Variants in ECEL1 observed in about 807,000 individuals in gnomAD.
The protein encoded by ECEL1 is endothelin converting enzyme like 1.
In ECEL1, 87 loss-of-function variants were observed where a neutral mutation model predicts 101.8. That is an observed-to-expected ratio of 0.85 (90% CI 0.72 to 1.02). The LOEUF is 1.02. ECEL1 is among the 50% of genes least tolerant of loss of function. The pLI is 0.00. For missense variants in ECEL1, 1,032 were observed against 1,079.2 expected (o/e 0.96, Z 0.61); for synonymous variants, 487 against 468.7 (o/e 1.04, Z -0.50).
chr2:232,482,861 C>A lies in ECEL1; in HGVS notation c.1675G>T (p.Asp559Tyr). 6.2e-7 allele frequency: 1 copy of A among 1,614,014 alleles called. No individual in the cohort carries two copies. ...LSVKKIRQEV[D>Y]KSTWLLPPQA... is the part of the protein sequence containing the mutation. The stretch of plus-strand genomic sequence containing the variant: ...GGGCCAGGCACCCACGTGGACTTGT[C>A]CACCTCCTGCCGAATCTTCTTAACT... Residue 559 changes from aspartate (D) to tyrosine (Y), a missense_variant, in exon 10 of 18, where the codon GAC (aspartate) becomes TAC (tyrosine). Transcript: ENST00000304546.
Position 232,486,526 on chromosome 2 carries a change from C to A in ECEL1, c.128G>T (p.Arg43Leu), listed in dbSNP as rs1690734182. Residue 43 changes from arginine to leucine, a missense_variant, in exon 2 of 18, where the codon CGC (arginine) becomes CTC (leucine). Physicochemically the swap from Arg to Leu is moderately radical, Grantham distance 102. Coordinates refer to ENST00000304546, the MANE Select transcript of ECEL1 (RefSeq NM_004826.4). ...CCCGGACCGGGCCCCGGTGGCGCTG[C>A]GCGCAGCGCCCAACGGGAAGCCCGG... ...LPPGFPLGAA[R>L]SATGARSGLP... The A allele has an allele frequency of 7.5e-7, 1 of 1,338,322 alleles. No individual in the cohort carries two copies. The highest frequency in any genetic ancestry group is 3.1e-5 in the East Asian group (1 of 31,960). 82.9% of individuals were successfully genotyped at this position (1,338,322 alleles called of 1,614,324 possible).
rs1463699676 is a variant in ECEL1, at chr2:232,484,004, G to A, written c.1404C>T (p.Ala468=). The A allele has an allele frequency of 6.2e-7, 1 of 1,601,426 alleles. No individual in the cohort carries two copies. The highest frequency in any genetic ancestry group is 2.2e-5 in the East Asian group (1 of 44,522). ...CTCTCAAACAAGGGCAACCCACCTT[G>A]GCTTTGCTGGCAGCTGAGAAGTGCT... ...VHEHFSAASK[A]KVQQLVEDIK... Residue 468 remains alanine, a synonymous_variant, in exon 7 of 18, where the codon GCC becomes GCT. Transcript: ENST00000304546.
rs750573745 is a variant in ECEL1, at chr2:232,480,237, C to A, written c.2244G>T (p.Val748=). 8.1e-6 allele frequency: 13 copies of A among 1,613,874 alleles called. No individual in the cohort carries two copies. In the South Asian group the frequency reaches 1.3e-4, roughly 16 times the overall value. Reference sequence around the variant, plus strand: ...CCCGGCCAAACTCCTCAAACTGGGACACACTGCCCAGCACCCTGGGGTGGG... The same window carrying A: ...CCCGGCCAAACTCCTCAAACTGGGAAACACTGCCCAGCACCCTGGGGTGGG... The part of the protein sequence containing the change: ...APEHYRVLGS[V]SQFEEFGRAF... Residue 748 remains valine (V), a synonymous_variant, in exon 18 of 18, where the codon GTG becomes GTT. Transcript: ENST00000304546.
chr2:232,486,444 G>A lies in ECEL1; in HGVS notation c.210C>T (p.Ala70=), dbSNP rs1690731472. ...VCLLSGLVFA[A]GLCAILAAML... is the part of the protein sequence containing the mutation. Reference sequence around the variant, plus strand: ...TAGCCGCCAGAATGGCGCAGAGGCCGGCGGCGAACACCAGCCCCGACAGCA... The same window carrying A: ...TAGCCGCCAGAATGGCGCAGAGGCCAGCGGCGAACACCAGCCCCGACAGCA... The change falls in exon 2 of 18, where the codon GCC becomes GCT. Residue 70 remains alanine, a synonymous_variant. Transcript: ENST00000304546. 2 of 1,455,186 alleles carry A rather than the reference G, an allele frequency of 1.4e-6. No individual in the cohort carries two copies. The highest frequency in any genetic ancestry group is 2.9e-5 in the East Asian group (1 of 34,234). 90.1% of individuals were successfully genotyped at this position (1,455,186 alleles called of 1,614,324 possible). A position where few individuals can be genotyped will look rare whatever the true frequency, so the allele number is the denominator to read the frequency against.
intron 14 of ECEL1, 46 bp from the exon 15 acceptor site, chr2:232,481,202 G>A (rs575711277): frequency 1.3e-6 from 2 of 1,545,186 alleles, no homozygotes; most frequent in Non-Finnish European, 1.7e-6. Context: ...GGCCCAGCTG[G>A]CCTCCCTCAG....
At position 232,482,481 on chromosome 2, in the gene ECEL1, G is replaced by A. The variant is rs753391546; in HGVS notation, c.1745-12C>T. On this transcript the variant is annotated splice_polypyrimidine_tract_variant and intron_variant, in intron 11 of 17. Transcript: ENST00000304546. ...GCCCGCGGGGAACACTACAAGAAGG[G>A]GGTGCTCAGTGGGAAACCCATCCAC... is the stretch of plus-strand genomic sequence containing the variant. The A allele has an allele frequency of 6.2e-7, 1 of 1,614,040 alleles. No homozygotes were observed. Among genetic ancestry groups the A allele is most frequent in the African/African-American group, 1.3e-5 (1 of 75,048 alleles).
chr2:232,482,654 C>A, intron 10 of ECEL1, 46 bp from the exon 11 acceptor site: 3 of 1,576,640 alleles, frequency 1.9e-6, no homozygotes, highest in Non-Finnish European at 1.7e-6. Context: ...ACTCCCTCCC[C>A]CGCTACCCTC....
intron 13 of ECEL1, 45 bp from the exon 14 acceptor site, chr2:232,481,675 C>T: frequency 6.3e-7 from 1 of 1,589,490 alleles, no homozygotes. Flanking sequence ...ACCTGAGCCC[C>T]CTCCCCTCCC....
rs1285072179 is a variant in ECEL1, at chr2:232,486,240, G to T, written c.414C>A (p.His138Gln). Residue 138 changes from histidine to glutamine, a missense_variant, in exon 2 of 18, where the codon CAC becomes CAA. Coordinates refer to ENST00000304546, the MANE Select transcript of ECEL1 (RefSeq NM_004826.4). ...AGGTGAGCTTGTCGTCGGGGATGGC[G>T]TGGCGCCGCAGCCAACCGCCGCAGG... ...SFACGGWLRR[H>Q]AIPDDKLTYG... 6.2e-7 allele frequency: 1 copy of T among 1,601,222 alleles called. No homozygotes were observed.
Position 232,484,887 on chromosome 2 carries a change from C to G in ECEL1, c.973G>C (p.Val325Leu). ...CGCCGTAGGTCGTCATGCTCTGACA[C>G]AGTGATCTGTGGGGAGAGATCACAG... ...QVEQQLANIT[V>L]SEHDDLRRDV... Residue 325 changes from valine (V) to leucine (L), a missense_variant, in exon 5 of 18, where the codon GTG becomes CTG. Transcript: ENST00000304546. The G allele has an allele frequency of 6.2e-7, 1 of 1,613,574 alleles. No individual in the cohort carries two copies. Among genetic ancestry groups the G allele is most frequent in the Non-Finnish European group, 8.5e-7 (1 of 1,179,938 alleles).
intron 7 of ECEL1, 110 bp from the exon 8 acceptor site, chr2:232,483,624 A>C (rs913808907): frequency 4.1e-5 from 34 of 838,592 alleles, no homozygotes; most frequent in Non-Finnish European, 5.4e-5. Flanking sequence ...CCCAAACCTC[A>C]TTTCTGAACA....
chr2:232,486,150 G>C lies in ECEL1; in HGVS notation c.504C>G (p.Pro168=), dbSNP rs558880443. 3.2e-6 allele frequency: 5 copies of C among 1,567,598 alleles called. No homozygotes were observed. Among genetic ancestry groups the C allele is most frequent in the Admixed American group, 1.8e-5 (1 of 54,120 alleles). ...EERLRRLLAR[P]GGGPGGAAQR... is the part of the protein sequence containing the mutation. ...GGGCCGCGCCGCCAGGCCCACCCCC[G>C]GGCCGCGCCAGCAGGCGCCGTAGGC... Residue 168 remains proline, a synonymous_variant, in exon 2 of 18, where the codon CCC becomes CCG. Transcript: ENST00000304546.
intron 12 of ECEL1, 145 bp from the exon 13 acceptor site, chr2:232,481,994 G>C: frequency 9.9e-7 from 1 of 1,006,392 alleles, no homozygotes; most frequent in East Asian, 2.6e-5. Flanking sequence ...AGGGGCACAT[G>C]TGCCTCAGCT....
At position 232,481,536 on chromosome 2, in the gene ECEL1, G is replaced by C. The variant is rs1265273151; in HGVS notation, c.1959C>G (p.Leu653=). ...FLRKAECIVR[L]YDNFTVYNQR... is the part of the protein sequence containing the mutation. ...GGTTGTAGACAGTGAAGTTGTCATA[G>C]AGACGGACGATGCACTCAGCCTTTC... Residue 653 remains leucine (L), a synonymous_variant, in exon 14 of 18, where the codon CTC becomes CTG. Transcript: ENST00000304546. The C allele has an allele frequency of 1.9e-6, 3 of 1,613,216 alleles. No individual in the cohort carries two copies. The Admixed American group carries it at 5.0e-5, about 27-fold the overall frequency.
rs560787412 is a variant in ECEL1 at position 232,487,255 on chromosome 2, G to C, written c.-102+464C>G. Among the ~76,000 whole-genome samples the C allele has an allele frequency of 1.7e-4, 26 of 152,240 alleles. 1 individual carries two copies. In the East Asian group the frequency reaches 4.1e-3, roughly 24 times the overall value. On this transcript the variant is annotated intron_variant, in intron 1 of 17. Coordinates refer to ENST00000304546, the MANE Select transcript of ECEL1 (RefSeq NM_004826.4). ...TGTCCTCGCGGAAGTCCGCGGGATC[G>C]ACCACGCCAACCCCGCTCCCTGGCT...
chr2:232,483,633 C>A, intron 7 of ECEL1, 119 bp from the exon 8 acceptor site: 1 of 809,812 alleles, frequency 1.2e-6, no homozygotes, highest in Non-Finnish European at 1.9e-6. Context: ...CATTTCTGAA[C>A]ACCAAGAGGA....
Position 232,486,308 on chromosome 2 carries a change from G to A in ECEL1, c.346C>T (p.Leu116=), listed in dbSNP as rs1366269449. The change falls in exon 2 of 18, where the codon CTG becomes TTG. Residue 116 remains leucine, a synonymous_variant. Transcript: ENST00000304546. ...TGGCATGGGTCGATGCTGGCGTCCA[G>A]GTTGGCGGCCAGGAAGCGAGCGGCG... ...ARAARFLAAN[L]DASIDPCQDF... is the part of the protein sequence containing the mutation. 2 of 1,587,076 alleles carry A rather than the reference G, an allele frequency of 1.3e-6. No individual in the cohort carries two copies. Among genetic ancestry groups the A allele is most frequent in the East Asian group, 2.3e-5 (1 of 43,528 alleles).
At chr2:232,481,984 AGG>A in intron 12 of ECEL1, 135 bp from the exon 13 acceptor site, 1 of 1,130,688 alleles carries the variant, frequency 8.8e-7, no homozygotes, top group South Asian at 1.5e-5. Context: ...CGTGCGGTCC[AGG>A]GGCACATGTG....
At position 232,485,930 on chromosome 2, in the gene ECEL1, C is replaced by A. The variant is rs770509094; in HGVS notation, c.724G>T (p.Ala242Ser). The change falls in exon 2 of 18, where the codon GCC becomes TCC. Residue 242 changes from alanine to serine, a missense_variant. Coordinates refer to ENST00000304546, the MANE Select transcript of ECEL1 (RefSeq NM_004826.4). ...CTGACCGTGAGCGAGAAGAGCGCGG[C>A]GGCGCTGTACACGCCCTGCGCCTTG... ...LYKAQGVYSA[A>S]ALFSLTVSLD... 7 of 1,576,792 alleles carry A rather than the reference C, an allele frequency of 4.4e-6. No individual in the cohort carries two copies. The highest frequency in any genetic ancestry group is 6.0e-6 in the Non-Finnish European group (7 of 1,163,702).
Sources: allele counts gnomAD v4.1 joint callset (sites outside exome capture counted in the v4.1 genomes callset), GRCh38; gene constraint gnomAD v4.1.1; transcripts MANE v1.5; gene names NCBI Gene and HGNC (gene_info 2026-07-23, HGNC 2026-07-21).